The following CFAP300 variants were observed in gnomAD, a reference collection of about 807,000 sequenced individuals.
CFAP300 encodes cilia- and flagella-associated protein 300.
Under a neutral mutation model 33.0 loss-of-function variants are expected in CFAP300, and 32 were observed. The ratio of observed to expected loss-of-function variants is 0.97; its 90% CI spans 0.73 to 1.30. The LOEUF is 1.30. Among genes scored for constraint, CFAP300 ranks in the 50% most tolerant of loss-of-function variants. CFAP300 has a pLI of 0.00. For synonymous variants in CFAP300, 102 were observed against 106.8 expected, an observed-to-expected ratio of 0.95 and a Z score of 0.28; for missense variants, 356 against 318.1, an observed-to-expected ratio of 1.12 and a Z score of -0.90.
chr11:102,075,807 A>C, intron 4 of CFAP300, 66 bp from the exon 5 acceptor site: 1 of 1,284,476 alleles, frequency 7.8e-7, no homozygotes, highest in Non-Finnish European at 1.1e-6. Flanking sequence ...CTATAAAATG[A>C]AACCTTTGAA....
chr11:102,058,312 C>T (rs1384844701), intron 2 of CFAP300, among the ~76,000 whole-genome samples: 1 of 151,794 alleles, frequency 6.6e-6, no homozygotes, highest in Non-Finnish European at 1.5e-5. Context: ...TCATGTCAGA[C>T]TGACAATATG....
intron 4 of CFAP300, among the ~76,000 whole-genome samples, chr11:102,068,045 CCTTAA>C (rs1704200329): frequency 6.6e-6 from 1 of 152,180 alleles, no homozygotes; most frequent in South Asian, 2.1e-4. Context: ...AGTAACTGAT[CCTTAA>C]CTTCTCTAAG....
chr11:102,075,917 A>T lies in CFAP300; in HGVS notation c.480A>T (p.Gln160His), dbSNP rs1323179215. 2 of 1,613,670 alleles carry T rather than the reference A, an allele frequency of 1.2e-6. No individual in the cohort carries two copies. Among genetic ancestry groups the T allele is most frequent in the Non-Finnish European group, 1.7e-6 (2 of 1,179,834 alleles). The change falls in exon 5 of 7, where the codon CAA becomes CAT. Residue 160 changes from glutamine to histidine, a missense_variant. Transcript: ENST00000434758. ...EDSEKYEIFS[Q>H]PDREEFLFCL... Reference sequence around the variant, plus strand: ...CAGAAAAATATGAAATATTCAGCCAACCAGATAGAGAAGAGTTCCTGTTTT... The same window carrying T: ...CAGAAAAATATGAAATATTCAGCCATCCAGATAGAGAAGAGTTCCTGTTTT...
chr11:102,049,852 A>G (rs1276737795), intron 2 of CFAP300, among the ~76,000 whole-genome samples: 6 of 132,022 alleles, frequency 4.5e-5, no homozygotes, highest in East Asian at 2.0e-4. Context: ...AAATGTTAAG[A>G]AAAAAAAAAA....
chr11:102,074,190 C>T (rs1309038334), intron 4 of CFAP300, among the ~76,000 whole-genome samples: 2 of 151,176 alleles, frequency 1.3e-5, no homozygotes, highest in East Asian at 2.0e-4. Context: ...ATGGTGCCAT[C>T]CTGCAGCTGC....
chr11:102,082,952 G>A (rs541006791), intron 6 of CFAP300, 119 bp from the exon 7 acceptor site: 18 of 345,724 alleles, frequency 5.2e-5, no homozygotes, highest in South Asian at 1.1e-4. Flanking sequence ...AGCCGAGATC[G>A]CGCCACTGCA....
chr11:102,048,044 T>A, intron 2 of CFAP300, 148 bp downstream of exon 2: 4 of 704,352 alleles, frequency 5.7e-6, no homozygotes, highest in Non-Finnish European at 4.6e-6. Context: ...ATGATTTTTT[T>A]AAAGGAACTT....
At chr11:102,066,462 C>A (rs1942226912) in intron 3 of CFAP300, 23 bp from the exon 4 acceptor site, 3 of 1,530,976 alleles carry the variant, frequency 2.0e-6, no homozygotes, top group East Asian at 4.6e-5. Flanking sequence ...TATCTCCATT[C>A]TTTATAAAAT....
intron 5 of CFAP300, among the ~76,000 whole-genome samples, chr11:102,078,861 A>G (rs1162056495): frequency 4.6e-5 from 7 of 152,080 alleles, no homozygotes; most frequent in Non-Finnish European, 7.4e-5. Flanking sequence ...GGCGCATGCC[A>G]CCATGGCCCA....
In CFAP300 at chr11:102,083,216, G is replaced by A. The variant is rs777004296; in HGVS notation, c.*17G>A. 5.5e-6 allele frequency: 8 copies of A among 1,445,492 alleles called. No homozygotes were observed. In the South Asian group the frequency reaches 1.3e-4, roughly 23 times the overall value. The allele number at this position is 1,445,492 out of a possible 1,614,324, so 89.5% of individuals were successfully genotyped here. A position where few individuals can be genotyped will look rare whatever the true frequency, so the allele number is the denominator to read the frequency against. Reference sequence around the variant, plus strand: ...ATGTCTTAATGTTCTTTCAGATTATGTACCTCTACTATTTTGTATTTATCA... The same window carrying A: ...ATGTCTTAATGTTCTTTCAGATTATATACCTCTACTATTTTGTATTTATCA... On this transcript the variant is annotated 3_prime_UTR_variant, in exon 7 of 7. Transcript: ENST00000434758.
At position 102,081,296 on chromosome 11, in the gene CFAP300, A is replaced by G; in HGVS notation, c.675+15A>G. ...TTTCAGCTTATGTAAGTGTGAGAGA[A>G]CTTTTGCAACCAAAGAATTTAATTA... On this transcript the variant is annotated intron_variant, in intron 6 of 6. Transcript: ENST00000434758. 1 of 1,601,450 alleles carries G rather than the reference A, an allele frequency of 6.2e-7. No individual in the cohort carries two copies. The highest frequency in any genetic ancestry group is 8.5e-7 in the Non-Finnish European group (1 of 1,169,924).
At chr11:102,057,098 G>C (rs1227358381) in intron 2 of CFAP300, among the ~76,000 whole-genome samples, 2 of 151,820 alleles carry the variant, frequency 1.3e-5, no homozygotes, top group African/African-American at 4.8e-5. Context: ...AGCACTTTGG[G>C]AGGCCAAGGC....
At chr11:102,081,764 C>CAT (rs1942477135) in intron 6 of CFAP300, among the ~76,000 whole-genome samples, 1 of 151,794 alleles carries the variant, frequency 6.6e-6, no homozygotes, top group Admixed American at 6.6e-5. Flanking sequence ...TGGTGGCACG[C>CAT]GCCTGTAGTC....
intron 4 of CFAP300, among the ~76,000 whole-genome samples, chr11:102,069,874 G>C (rs909094995): frequency 2.0e-5 from 3 of 152,116 alleles, no homozygotes; most frequent in Non-Finnish European, 4.4e-5. Flanking sequence ...GGCGGAGGTG[G>C]GAGGATTGCC....
chr11:102,058,307 T>C (rs2135022154), intron 2 of CFAP300, among the ~76,000 whole-genome samples: 1 of 151,970 alleles, frequency 6.6e-6, no homozygotes, highest in Admixed American at 6.6e-5. Context: ...TTATTTCATG[T>C]CAGACTGACA....
Position 102,070,680 on chromosome 11 carries a change from T to A in CFAP300, c.435+4029T>A, listed in dbSNP as rs186914469. Among the ~76,000 whole-genome samples the A allele has an allele frequency of 2.3e-3, 353 of 152,322 alleles. 1 individual carries two copies. The highest frequency in any genetic ancestry group is 7.7e-3 in the African/African-American group (321 of 41,578). On this transcript the variant is annotated intron_variant, in intron 4 of 6. Coordinates refer to ENST00000434758, the MANE Select transcript of CFAP300 (RefSeq NM_032930.3). Reference sequence around the variant, plus strand: ...TAGTACTTTTTTGATGTAGGCATTTTTTGCTGTAAACTTCTCTTTTAGCAC... The same window carrying A: ...TAGTACTTTTTTGATGTAGGCATTTATTGCTGTAAACTTCTCTTTTAGCAC...
intron 2 of CFAP300, among the ~76,000 whole-genome samples, chr11:102,058,636 T>C (rs1396861254): frequency 6.6e-6 from 1 of 151,246 alleles, no homozygotes; most frequent in Non-Finnish European, 1.5e-5. Flanking sequence ...ATGTTTACTC[T>C]ATATCATTAT....
At chr11:102,072,594 T>C (rs371051027) in intron 4 of CFAP300, among the ~76,000 whole-genome samples, 25 of 152,236 alleles carry the variant, frequency 1.6e-4, no homozygotes, top group Middle Eastern at 3.4e-3. Flanking sequence ...TGAGGTACCA[T>C]GCCTGGCCAT....
At chr11:102,072,127 G>A (rs1942322094) in intron 4 of CFAP300, among the ~76,000 whole-genome samples, 1 of 150,972 alleles carries the variant, frequency 6.6e-6, no homozygotes, top group African/African-American at 2.4e-5. Flanking sequence ...ATTCAAAACT[G>A]TGTTTGCTTT....
Sources: allele counts gnomAD v4.1 joint callset (sites outside exome capture counted in the v4.1 genomes callset), GRCh38; gene constraint gnomAD v4.1.1; transcripts MANE v1.5; gene names NCBI Gene and HGNC (gene_info 2026-07-23, HGNC 2026-07-21).